KCNK2: variants seen among roughly 807,000 people sequenced by gnomAD.
KCNK2 encodes potassium two pore domain channel subfamily K member 2.
KCNK2 carries 21 observed loss-of-function variants against 40.5 expected under a neutral mutation model. That is an observed-to-expected ratio of 0.52 (90% CI 0.37 to 0.75). The LOEUF (loss-of-function observed/expected upper bound fraction) is 0.75, where lower values mean the gene tolerates loss of function less well. KCNK2 is among the 30% of genes least tolerant of loss of function. The pLI is 0.00. For synonymous variants in KCNK2, 191 were observed against 202.2 expected (o/e 0.94, Z 0.47); for missense variants, 399 against 531.6 (o/e 0.75, Z 2.45).
In KCNK2 at chr1:215,234,930, C is replaced by A. The variant is rs2102718079; in HGVS notation, c.1066C>A (p.Gln356Lys). ...RLSVEIYDKF[Q>K]RATSIKRKLS... Reference sequence around the variant, plus strand: ...GAGTGTGGAGATTTATGACAAGTTCCAGCGGGCCACCTCCATCAAGCGGAA... The same window carrying A: ...GAGTGTGGAGATTTATGACAAGTTCAAGCGGGCCACCTCCATCAAGCGGAA... Residue 356 changes from glutamine (Q) to lysine (K), a missense_variant, in exon 7 of 7, where the codon CAG (glutamine) becomes AAG (lysine). Gln to Lys is a moderately conservative substitution (Grantham distance 53). Transcript: ENST00000444842. 1 of 1,614,034 alleles carries A rather than the reference C, an allele frequency of 6.2e-7. No homozygotes were observed. Among genetic ancestry groups the A allele is most frequent in the Non-Finnish European group, 8.5e-7 (1 of 1,180,002 alleles).
upstream of KCNK2, among the ~76,000 whole-genome samples, chr1:215,081,467 A>C (rs1659151890): frequency 7.5e-6 from 1 of 132,538 alleles, no homozygotes; most frequent in African/African-American, 2.6e-5. Context: ...TCCAGCAGGA[A>C]GGATATTAGG....
intron 1 of KCNK2, among the ~76,000 whole-genome samples, chr1:215,043,734 A>G (rs1571865995): frequency 1.3e-5 from 2 of 152,182 alleles, no homozygotes; most frequent in African/African-American, 4.8e-5. Flanking sequence ...TGCTTGCACA[A>G]CCATCTGAAT....
rs572398644 is a variant in KCNK2, at chr1:215,087,099, G to C, written c.357+421G>C. 1.2e-4 allele frequency among the ~76,000 whole-genome samples: 18 copies of C among 152,330 alleles called. No individual in the cohort carries two copies. In the East Asian group the frequency reaches 1.4e-3, roughly 11 times the overall value. The stretch of plus-strand genomic sequence containing the variant: ...TGAGAAACATTGCTGTGGCAAAGGG[G>C]AGGAAAACAAAATATACAGAAATGT... On this transcript the variant is annotated intron_variant, in intron 2 of 6. Transcript: ENST00000444842.
chr1:215,133,794 C>T (rs903082251), intron 3 of KCNK2, among the ~76,000 whole-genome samples: 5 of 152,044 alleles, frequency 3.3e-5, no homozygotes, highest in African/African-American at 9.7e-5. Context: ...ACAATGCTGA[C>T]GTGACTTATT....
intron 2 of KCNK2, among the ~76,000 whole-genome samples, chr1:215,088,830 A>G (rs1177516596): frequency 6.6e-6 from 1 of 152,206 alleles, no homozygotes; most frequent in East Asian, 1.9e-4. Flanking sequence ...TTGGCAATCC[A>G]TTTTAGCTTT....
chr1:215,088,354 C>A (rs1311093832), intron 2 of KCNK2, among the ~76,000 whole-genome samples: 1 of 152,000 alleles, frequency 6.6e-6, no homozygotes, highest in Non-Finnish European at 1.5e-5. Flanking sequence ...CCTCTTTAAG[C>A]CTTAAATGAT....
chr1:215,069,223 C>T (rs568563070), intron 1 of KCNK2, among the ~76,000 whole-genome samples: 1 of 152,274 alleles, frequency 6.6e-6, no homozygotes, highest in South Asian at 2.1e-4. Context: ...ACTGAATTGG[C>T]TCTCACCTAT....
At chr1:215,065,699 T>C (rs1658515144) in intron 1 of KCNK2, among the ~76,000 whole-genome samples, 1 of 152,180 alleles carries the variant, frequency 6.6e-6, no homozygotes, top group South Asian at 2.1e-4. Flanking sequence ...TTCTTACAAA[T>C]GTTATATATC....
intron 3 of KCNK2, among the ~76,000 whole-genome samples, chr1:215,156,189 A>G (rs1004653967): frequency 1.3e-5 from 2 of 152,140 alleles, no homozygotes; most frequent in Middle Eastern, 3.2e-3. Context: ...ATATAATTAC[A>G]AAGTACACAG....
intron 6 of KCNK2, among the ~76,000 whole-genome samples, chr1:215,210,261 A>G (rs1052320110): frequency 1.3e-5 from 2 of 151,102 alleles, no homozygotes; most frequent in Non-Finnish European, 2.9e-5. Context: ...TGAGAACCTG[A>G]TGAATGGATT....
At chr1:215,093,690 A>T (rs1231337774) in intron 2 of KCNK2, among the ~76,000 whole-genome samples, 2 of 96,696 alleles carry the variant, frequency 2.1e-5, no homozygotes, top group Admixed American at 1.7e-4. Flanking sequence ...TATAATATGT[A>T]TATATTATAT....
chr1:215,150,941 GA>G (rs1662661228), intron 3 of KCNK2, among the ~76,000 whole-genome samples: 1 of 151,818 alleles, frequency 6.6e-6, no homozygotes, highest in African/African-American at 2.4e-5. Flanking sequence ...GATTTTAAGA[GA>G]ATTCATCCAG....
At chr1:215,141,039 C>T (rs1662150683) in intron 3 of KCNK2, among the ~76,000 whole-genome samples, 1 of 150,582 alleles carries the variant, frequency 6.6e-6, no homozygotes, top group Admixed American at 6.6e-5. Context: ...CACAAACACA[C>T]ACACTAGCCT....
chr1:215,093,965 A>AAT (rs930959295), intron 2 of KCNK2, among the ~76,000 whole-genome samples: 11 of 129,748 alleles, frequency 8.5e-5, no homozygotes, highest in Non-Finnish European at 1.2e-4. Context: ...TAAAATATAT[A>AAT]ATATATATAT....
chr1:215,192,779 C>T (rs557884350), intron 5 of KCNK2, among the ~76,000 whole-genome samples: 7 of 152,144 alleles, frequency 4.6e-5, no homozygotes, highest in East Asian at 1.9e-4. Flanking sequence ...CAGAAATAAG[C>T]TTTTAATGTT....
intron 3 of KCNK2, among the ~76,000 whole-genome samples, chr1:215,147,592 G>A (rs1287366143): frequency 6.6e-6 from 1 of 152,162 alleles, no homozygotes; most frequent in Non-Finnish European, 1.5e-5. Flanking sequence ...AGCACTTTGG[G>A]AAGCTGAGGC....
At chr1:215,051,836 G>A (rs1476265329) in intron 1 of KCNK2, among the ~76,000 whole-genome samples, 1 of 152,136 alleles carries the variant, frequency 6.6e-6, no homozygotes, top group Non-Finnish European at 1.5e-5. Flanking sequence ...GATTAGAACA[G>A]TTTATACTTT....
intron 2 of KCNK2, among the ~76,000 whole-genome samples, chr1:215,116,769 T>C (rs983534066): frequency 3.3e-5 from 5 of 152,162 alleles, no homozygotes; most frequent in African/African-American, 1.2e-4. Flanking sequence ...TTTTATAAAG[T>C]CTTCATGAAA....
chr1:215,150,296 G>T (rs1023425950), intron 3 of KCNK2, among the ~76,000 whole-genome samples: 1 of 152,120 alleles, frequency 6.6e-6, no homozygotes, highest in African/African-American at 2.4e-5. Context: ...AAATATTTCG[G>T]TTTGGTTAAC....
Sources: gnomAD v4.1 joint callset for allele counts (sites outside exome capture counted in the v4.1 genomes callset) on GRCh38, gnomAD v4.1.1 for gene constraint, MANE v1.5 for transcripts, NCBI Gene and HGNC (gene_info 2026-07-23, HGNC 2026-07-21) for gene names.